The following PCDHA9 variants were observed in gnomAD, a reference collection of about 807,000 sequenced individuals.
PCDHA9 encodes the protein protocadherin alpha-9.
Under a neutral mutation model 62.0 loss-of-function variants are expected in PCDHA9, and 62 were observed. That is an observed-to-expected ratio of 1.00 (90% CI 0.81 to 1.23). The LOEUF (loss-of-function observed/expected upper bound fraction) is 1.23. Among genes scored for constraint, PCDHA9 ranks in the 50% most tolerant of loss-of-function variants. The probability of loss-of-function intolerance (pLI) is 0.00; values close to 1 mark genes in which losing one functional copy is unlikely to be tolerated. For missense variants in PCDHA9, 1,205 were observed against 1,249.8 expected, an observed-to-expected ratio of 0.96 and a Z score of 0.54; for synonymous variants, 557 against 567.6, an observed-to-expected ratio of 0.98 and a Z score of 0.27.
intron 1 of PCDHA9, among the ~76,000 whole-genome samples, chr5:140,976,117 G>C (rs782098917): frequency 5.4e-4 from 82 of 152,208 alleles, no homozygotes; most frequent in Admixed American, 1.4e-3. Flanking sequence ...ATTTTTCCAA[G>C]TTTAATCAAG....
At chr5:140,942,681 A>G (rs1554215168) in intron 1 of PCDHA9, among the ~76,000 whole-genome samples, 1 of 152,206 alleles carries the variant, frequency 6.6e-6, no homozygotes, top group African/African-American at 2.4e-5. Flanking sequence ...AGTTTTAGGA[A>G]TAACTTTAAT....
chr5:140,982,687 C>T (rs2096996612), intron 3 of PCDHA9, 124 bp downstream of exon 3: 1 of 1,415,822 alleles, frequency 7.1e-7, no homozygotes, highest in Non-Finnish European at 9.3e-7. Flanking sequence ...CCCTTTTTTC[C>T]ATACATACAT....
intron 1 of PCDHA9, among the ~76,000 whole-genome samples, chr5:140,971,538 C>T (rs1162304462): frequency 6.6e-6 from 1 of 152,122 alleles, no homozygotes; most frequent in African/African-American, 2.4e-5. Flanking sequence ...GTCATCATTG[C>T]CAGATCAACC....
chr5:140,954,271 A>G (rs1284942355), intron 1 of PCDHA9, among the ~76,000 whole-genome samples: 2 of 152,140 alleles, frequency 1.3e-5, no homozygotes, highest in South Asian at 2.1e-4. Context: ...TTATAATAGG[A>G]TGATTTATAT....
rs2042039547 is a variant in PCDHA9 at position 140,851,365 on chromosome 5, CT to C, written c.2394+477del. The C allele has an allele frequency of 3.1e-6, 3 of 976,302 alleles. 1 individual carries two copies. Among genetic ancestry groups the C allele is most frequent in the Non-Finnish European group, 3.7e-6 (3 of 804,962 alleles). The allele number at this position is 976,302 out of a possible 1,614,324, so 60.5% of individuals were successfully genotyped here. On this transcript the variant is annotated intron_variant, in intron 1 of 3. Transcript: ENST00000532602. Reference sequence around the variant, plus strand: ...TTCTCTGGATGGAGACTGTGAACATCTGATTGTTCAGCAACCTTCAGTATCT... The same window carrying C: ...TTCTCTGGATGGAGACTGTGAACATCGATTGTTCAGCAACCTTCAGTATCT...
chr5:140,851,353 G>A, intron 1 of PCDHA9: 1 of 976,274 alleles, frequency 1.0e-6, no homozygotes, highest in Non-Finnish European at 1.2e-6. Context: ...TCTGGATGGA[G>A]ACTGTGAACA....
intron 1 of PCDHA9, among the ~76,000 whole-genome samples, chr5:140,912,961 G>C (rs1370850871): frequency 6.6e-6 from 1 of 151,844 alleles, no homozygotes; most frequent in African/African-American, 2.4e-5. Context: ...ATCCCACTTG[G>C]TCTTTTAACT....
At chr5:140,963,714 A>G (rs1554226741) in intron 1 of PCDHA9, among the ~76,000 whole-genome samples, 2 of 152,260 alleles carry the variant, frequency 1.3e-5, no homozygotes, top group Admixed American at 6.5e-5. Context: ...GCCATGCTAC[A>G]TATAGACTGC....
intron 2 of PCDHA9, among the ~76,000 whole-genome samples, chr5:140,979,752 G>A (rs1048851264): frequency 4.6e-5 from 7 of 152,138 alleles, no homozygotes; most frequent in South Asian, 2.1e-4. Context: ...CATTATTTGC[G>A]AATGTCTTTG....
chr5:140,923,974 C>G (rs2081604148), intron 1 of PCDHA9, among the ~76,000 whole-genome samples: 1 of 152,212 alleles, frequency 6.6e-6, no homozygotes, highest in South Asian at 2.1e-4. Context: ...CCCACACATA[C>G]TATCCCTCTA....
chr5:140,882,928 C>G (rs1554176132), intron 1 of PCDHA9: 1 of 1,614,140 alleles, frequency 6.2e-7, no homozygotes, highest in South Asian at 1.1e-5. Flanking sequence ...GAGGTAAACC[C>G]GAGCTGACTG....
At chr5:140,872,661 TA>T (rs1211452464) in intron 1 of PCDHA9, among the ~76,000 whole-genome samples, 12 of 152,166 alleles carry the variant, frequency 7.9e-5, no homozygotes, top group African/African-American at 2.9e-4. Flanking sequence ...ATTTGTCAAC[TA>T]TTGGATACTC....
chr5:140,929,927 G>A (rs2086481303), intron 1 of PCDHA9: 1 of 152,202 alleles, frequency 6.6e-6, no homozygotes, highest in Non-Finnish European at 1.5e-5. Flanking sequence ...ATAAAAAACA[G>A]TGTATTCTCT....
intron 1 of PCDHA9, among the ~76,000 whole-genome samples, chr5:140,957,373 T>C (rs906109440): frequency 6.6e-5 from 10 of 152,310 alleles, no homozygotes; most frequent in African/African-American, 2.2e-4. Context: ...ACTTTTATTA[T>C]AGTGTATTGT....
chr5:140,876,555 G>C (rs782622293), intron 1 of PCDHA9: 1 of 1,614,072 alleles, frequency 6.2e-7, no homozygotes, highest in African/African-American at 1.3e-5. Context: ...CTGTGCAAGA[G>C]GATGCTCAGG....
rs139887265 is a variant in PCDHA9, at chr5:140,849,821, T to C, written c.1326T>C (p.Ser442=). The C allele has an allele frequency of 1.1e-5, 18 of 1,598,172 alleles. 3 individuals carry two copies. Among genetic ancestry groups the C allele is most frequent in the African/African-American group, 4.0e-5 (3 of 74,350 alleles). The part of the protein sequence containing the change: ...SPSLWATARV[S]VEVADVNDNA... ...CACTGTGGGCCACGGCCAGGGTGTCTGTGGAGGTGGCCGACGTGAACGACA... is the reference window on the plus strand; with the variant it reads ...CACTGTGGGCCACGGCCAGGGTGTCCGTGGAGGTGGCCGACGTGAACGACA... The change falls in exon 1 of 4, where the codon TCT becomes TCC. Residue 442 remains serine (S), a synonymous_variant. Transcript: ENST00000532602.
intron 1 of PCDHA9, chr5:140,869,225 A>G (rs2050944514): frequency 6.2e-7 from 1 of 1,613,790 alleles, no homozygotes; most frequent in African/African-American, 1.3e-5. Flanking sequence ...GAGGCCAAAC[A>G]CGGCACCTTC....
intron 1 of PCDHA9, among the ~76,000 whole-genome samples, chr5:140,941,223 C>CTT (rs1276732463): frequency 3.0e-5 from 4 of 132,446 alleles, no homozygotes; most frequent in African/African-American, 1.2e-4. Context: ...TCCTTTCTTT[C>CTT]TTTCTTTCTT....
intron 1 of PCDHA9, chr5:140,967,436 C>T (rs781894469): frequency 6.2e-7 from 1 of 1,613,496 alleles, no homozygotes; most frequent in Non-Finnish European, 8.5e-7. Context: ...AGCCTTGCAC[C>T]ACCTGGTTCT....
Sources: allele counts gnomAD v4.1 joint callset (sites outside exome capture counted in the v4.1 genomes callset), GRCh38; gene constraint gnomAD v4.1.1; transcripts MANE v1.5; gene names NCBI Gene and HGNC (gene_info 2026-07-23, HGNC 2026-07-21).